Variants in HACE1 observed in about 807,000 individuals in gnomAD.
The protein encoded by HACE1 is E3 ubiquitin-protein ligase HACE1.
A neutral mutation model predicts 118.4 loss-of-function variants in HACE1; 73 were observed. The ratio of observed to expected loss-of-function variants is 0.62; its 90% CI spans 0.51 to 0.75. The LOEUF is 0.75. Among genes scored for constraint, HACE1 ranks in the 30% least tolerant of loss-of-function variants. The pLI, the probability that HACE1 is intolerant of heterozygous loss-of-function variation, is 0.00. For missense variants in HACE1, 749 were observed against 1,102.2 expected (o/e 0.68, Z 4.54); for synonymous variants, 368 against 374.8 (o/e 0.98, Z 0.21).
At chr6:104,801,653 G>T (rs923476559) in intron 7 of HACE1, among the ~76,000 whole-genome samples, 5 of 152,168 alleles carry the variant, frequency 3.3e-5, no homozygotes, top group African/African-American at 1.2e-4. Flanking sequence ...ATCCTTTACA[G>T]ACATGCAAAT....
At chr6:104,767,816 C>T (rs1305029100) in intron 19 of HACE1, among the ~76,000 whole-genome samples, 1 of 152,156 alleles carries the variant, frequency 6.6e-6, no homozygotes, top group East Asian at 1.9e-4. Flanking sequence ...TACTCCTACT[C>T]GACCACTTAA....
rs1491154138 is a variant in HACE1, at chr6:104,785,381, AAC to A, written c.1075-64_1075-63del. 2.7e-3 allele frequency: 2,363 copies of A among 869,312 alleles called. 3 individuals are homozygous for A. The highest frequency in any genetic ancestry group is 9.3e-3 in the African/African-American group (542 of 58,122). The allele number at this position is 869,312 out of a possible 1,614,324, so 53.8% of individuals were successfully genotyped here. On this transcript the variant is annotated intron_variant, in intron 11 of 23. Transcript: ENST00000262903. ...TAAACTACAGGATTAAAAAAAAAAA[AAC>A]AAAACACAACTAGACAAATATTATA... is the stretch of plus-strand genomic sequence containing the variant.
In HACE1 at chr6:104,795,653, T is replaced by G; in HGVS notation, c.849A>C (p.Gln283His). ...LRQVLEHLSQ[Q>H]SESQYLKILT... ...GAATCTTTAGGTACTGGCTTTCACT[T>G]TGCTGAGACAAATGCTCCAGAACTT... is the stretch of plus-strand genomic sequence containing the variant. The change falls in exon 10 of 24, where the codon CAA becomes CAC. Residue 283 changes from glutamine (Q) to histidine (H), a missense_variant. Coordinates refer to ENST00000262903, the MANE Select transcript of HACE1 (RefSeq NM_020771.4). The G allele has an allele frequency of 6.2e-7, 1 of 1,613,002 alleles. No individual in the cohort carries two copies. Among genetic ancestry groups the G allele is most frequent in the Non-Finnish European group, 8.5e-7 (1 of 1,179,044 alleles).
At chr6:104,801,242 T>C (rs1770310114) in intron 7 of HACE1, among the ~76,000 whole-genome samples, 1 of 152,162 alleles carries the variant, frequency 6.6e-6, no homozygotes, top group African/African-American at 2.4e-5. Flanking sequence ...TATGTTTGAT[T>C]GGTGTACCTG....
intron 19 of HACE1, among the ~76,000 whole-genome samples, chr6:104,767,464 C>T (rs964929615): frequency 6.6e-6 from 1 of 152,164 alleles, no homozygotes; most frequent in Non-Finnish European, 1.5e-5. Flanking sequence ...CTCAGTTGTC[C>T]TGACTCTAGT....
intron 6 of HACE1, among the ~76,000 whole-genome samples, chr6:104,812,924 G>A (rs1277051826): frequency 1.3e-5 from 2 of 152,134 alleles, no homozygotes; most frequent in Non-Finnish European, 2.9e-5. Flanking sequence ...TCTTTACACT[G>A]TCTCAGAAGA....
intron 7 of HACE1, among the ~76,000 whole-genome samples, chr6:104,809,311 G>A (rs930807580): frequency 6.6e-6 from 1 of 152,108 alleles, no homozygotes; most frequent in South Asian, 2.1e-4. Context: ...GTGATACTGC[G>A]ATCAAAAATC....
intron 17 of HACE1, among the ~76,000 whole-genome samples, chr6:104,773,861 TATG>T (rs1368674229): frequency 6.6e-6 from 1 of 151,824 alleles, no homozygotes; most frequent in Non-Finnish European, 1.5e-5. Context: ...ATTAAAAGTT[TATG>T]ATAAATTTTA....
At chr6:104,822,339 C>T (rs1169477564) in intron 6 of HACE1, among the ~76,000 whole-genome samples, 9 of 149,052 alleles carry the variant, frequency 6.0e-5, no homozygotes, top group Non-Finnish European at 1.0e-4. Context: ...GCCGCGACCA[C>T]GCCACTGCAC....
At chr6:104,736,047 A>T (rs1027472082) in intron 22 of HACE1, among the ~76,000 whole-genome samples, 2 of 151,854 alleles carry the variant, frequency 1.3e-5, no homozygotes, top group African/African-American at 4.8e-5. Context: ...GTTATCAGTG[A>T]TTATTTTTAG....
intron 14 of HACE1, among the ~76,000 whole-genome samples, chr6:104,777,639 T>C (rs1383020586): frequency 6.6e-6 from 1 of 152,152 alleles, no homozygotes; most frequent in Non-Finnish European, 1.5e-5. Flanking sequence ...TTCTTTTAAA[T>C]CCAAGCCTTA....
intron 5 of HACE1, among the ~76,000 whole-genome samples, chr6:104,838,368 C>T (rs979872283): frequency 3.3e-5 from 5 of 152,000 alleles, no homozygotes; most frequent in Non-Finnish European, 7.4e-5. Flanking sequence ...ACACACAGAC[C>T]AATGGGACAG....
intron 6 of HACE1, among the ~76,000 whole-genome samples, chr6:104,822,544 C>A (rs1304112047): frequency 6.6e-6 from 1 of 151,578 alleles, no homozygotes; most frequent in Non-Finnish European, 1.5e-5. Flanking sequence ...CAGAGTGAAA[C>A]CCTGTCTCTA....
chr6:104,846,844 T>TC (rs537843239), intron 4 of HACE1, among the ~76,000 whole-genome samples: 18 of 152,178 alleles, frequency 1.2e-4, no homozygotes, highest in Non-Finnish European at 2.6e-4. Flanking sequence ...GTACAAGGCT[T>TC]CCACTCAATA....
intron 18 of HACE1, among the ~76,000 whole-genome samples, 177 bp from the exon 19 acceptor site, chr6:104,771,566 T>C (rs1166347883): frequency 6.6e-6 from 1 of 152,164 alleles, no homozygotes; most frequent in African/African-American, 2.4e-5. Context: ...TAATTCTGTG[T>C]TTCTTTCACA....
intron 1 of HACE1, among the ~76,000 whole-genome samples, chr6:104,853,634 C>A (rs932811146): frequency 6.6e-6 from 1 of 152,112 alleles, no homozygotes; most frequent in Non-Finnish European, 1.5e-5. Flanking sequence ...CTCAAAAATA[C>A]TGACTAATTA....
At chr6:104,774,621 T>C (rs1781028957) in intron 17 of HACE1, among the ~76,000 whole-genome samples, 1 of 151,786 alleles carries the variant, frequency 6.6e-6, no homozygotes, top group African/African-American at 2.4e-5. Flanking sequence ...TTTGACCTCG[T>C]GATCTGCCCG....
intron 6 of HACE1, among the ~76,000 whole-genome samples, chr6:104,829,067 A>G (rs1452247981): frequency 1.3e-5 from 2 of 151,880 alleles, no homozygotes; most frequent in African/African-American, 2.4e-5. Flanking sequence ...TTTCTATTTT[A>G]TTCTATAAAA....
chr6:104,843,214 A>T lies in HACE1; in HGVS notation c.402+9T>A. On this transcript the variant is annotated intron_variant, in intron 5 of 23. Transcript: ENST00000262903. Reference sequence around the variant, plus strand: ...TTTTAAAACATCAGATGAAATTGATAGCACTTACTGCTGTAAGGCCTTCAT... The same window carrying T: ...TTTTAAAACATCAGATGAAATTGATTGCACTTACTGCTGTAAGGCCTTCAT... 1 of 1,305,284 alleles carries T rather than the reference A, an allele frequency of 7.7e-7. No homozygotes were observed. The allele number at this position is 1,305,284 out of a possible 1,614,324, so 80.9% of individuals were successfully genotyped here.
Sources: gnomAD v4.1 joint callset for allele counts (sites outside exome capture counted in the v4.1 genomes callset) on GRCh38, gnomAD v4.1.1 for gene constraint, MANE v1.5 for transcripts, NCBI Gene and HGNC (gene_info 2026-07-23, HGNC 2026-07-21) for gene names.